AUTS2: variants seen among roughly 807,000 people sequenced by gnomAD.
The protein encoded by AUTS2 is activator of transcription and developmental regulator AUTS2.
AUTS2 carries 17 observed loss-of-function variants against 112.4 expected under a neutral mutation model. The observed-to-expected ratio is 0.15, with a 90% CI of 0.10 to 0.23. The LOEUF (loss-of-function observed/expected upper bound fraction) is 0.23. AUTS2 is among the 10% of genes least tolerant of loss of function. AUTS2 has a pLI of 1.00. For missense variants in AUTS2, 1,510 were observed against 1,701.6 expected, an observed-to-expected ratio of 0.89 and a Z score of 1.98; for synonymous variants, 751 against 702.7, an observed-to-expected ratio of 1.07 and a Z score of -1.09.
intron 3 of AUTS2, among the ~76,000 whole-genome samples, chr7:70,126,657 T>G (rs1805985843): frequency 6.6e-6 from 1 of 152,196 alleles, no homozygotes; most frequent in African/African-American, 2.4e-5. Context: ...ATTTTGTAAC[T>G]GAGGAAATTT....
intron 1 of AUTS2, among the ~76,000 whole-genome samples, chr7:69,808,208 G>A (rs755636639): frequency 6.6e-6 from 1 of 152,158 alleles, no homozygotes; most frequent in Non-Finnish European, 1.5e-5. Context: ...TTACAGGTGT[G>A]AGCCACCGCA....
At chr7:70,577,644 T>C (rs924762785) in intron 5 of AUTS2, among the ~76,000 whole-genome samples, 6 of 152,214 alleles carry the variant, frequency 3.9e-5, no homozygotes, top group African/African-American at 1.4e-4. Context: ...GCAGTTGATG[T>C]ATAGCCACAG....
intron 6 of AUTS2, among the ~76,000 whole-genome samples, chr7:70,760,068 T>C (rs1348606197): frequency 8.6e-5 from 13 of 151,736 alleles, no homozygotes; most frequent in Non-Finnish European, 1.0e-4. Flanking sequence ...TGCAGTGGTG[T>C]GATCTCAGCT....
At chr7:70,139,097 T>C (rs929453001) in intron 4 of AUTS2, among the ~76,000 whole-genome samples, 10 of 152,094 alleles carry the variant, frequency 6.6e-5, no homozygotes, top group Non-Finnish European at 2.9e-5. Context: ...CTTCCCAGTA[T>C]CTGGGAGTAA....
intron 4 of AUTS2, among the ~76,000 whole-genome samples, chr7:70,150,900 A>C (rs1339544657): frequency 6.6e-6 from 1 of 152,236 alleles, no homozygotes; most frequent in Non-Finnish European, 1.5e-5. Context: ...AACCAAAACA[A>C]AAGATAAAAT....
At chr7:70,226,447 C>T (rs755643288) in intron 4 of AUTS2, among the ~76,000 whole-genome samples, 6 of 151,418 alleles carry the variant, frequency 4.0e-5, no homozygotes, top group Admixed American at 6.6e-5. Flanking sequence ...CCTTGTGATC[C>T]GCCCTCCTTG....
chr7:70,064,982 G>A (rs532229569), intron 2 of AUTS2, among the ~76,000 whole-genome samples: 4 of 152,098 alleles, frequency 2.6e-5, no homozygotes, highest in Non-Finnish European at 1.5e-5. Context: ...AATAGTAGGC[G>A]CTCATCAATT....
At chr7:69,897,672 G>A (rs1417150040) in intron 1 of AUTS2, among the ~76,000 whole-genome samples, 3 of 152,070 alleles carry the variant, frequency 2.0e-5, no homozygotes, top group East Asian at 3.9e-4. Context: ...GCAGGGAATC[G>A]CTTGAACTGG....
At chr7:70,746,811 G>T (rs1305123342) in intron 6 of AUTS2, among the ~76,000 whole-genome samples, 8 of 152,314 alleles carry the variant, frequency 5.3e-5, no homozygotes, top group South Asian at 2.1e-4. Flanking sequence ...TGAACACGGG[G>T]AGTAGCAGTG....
At chr7:70,527,929 T>C (rs1157865391) in intron 5 of AUTS2, among the ~76,000 whole-genome samples, 1 of 152,102 alleles carries the variant, frequency 6.6e-6, no homozygotes, top group African/African-American at 2.4e-5. Context: ...TGGAGTTTAG[T>C]TTCCAGGATG....
chr7:70,056,679 CATGAAGA>C lies in AUTS2; in HGVS notation c.523-61449_523-61443del, dbSNP rs1354114381. On this transcript the variant is annotated intron_variant, in intron 2 of 18. Transcript: ENST00000342771. Reference sequence around the variant, plus strand: ...CTACAACCTGCATTGAGGCCCTGAGCATGAAGAATGGAGTGTTAAAATGAGCCTTTCA... The same window carrying C: ...CTACAACCTGCATTGAGGCCCTGAGCATGGAGTGTTAAAATGAGCCTTTCA... Among the ~76,000 whole-genome samples, 9 of 152,218 alleles carry C rather than the reference CATGAAGA, an allele frequency of 5.9e-5. No homozygotes were observed. In the South Asian group the frequency reaches 1.7e-3, roughly 28 times the overall value.
rs114738441 is a variant in AUTS2 at position 69,874,797 on chromosome 7, C to T, written c.310-24489C>T. Among the ~76,000 whole-genome samples the T allele has an allele frequency of 2.9e-3, 447 of 152,124 alleles. 5 individuals carry two copies. The highest frequency in any genetic ancestry group is 0.01 in the African/African-American group (432 of 41,522). On this transcript the variant is annotated intron_variant, in intron 1 of 18. Coordinates refer to ENST00000342771, the MANE Select transcript of AUTS2 (RefSeq NM_015570.4). Reference sequence around the variant, plus strand: ...CCTCAGCCTCCCAAGTACCTGGGATCATAGGCATGCACCACCATGCCCAGC... The same window carrying T: ...CCTCAGCCTCCCAAGTACCTGGGATTATAGGCATGCACCACCATGCCCAGC...
intron 5 of AUTS2, among the ~76,000 whole-genome samples, chr7:70,612,628 T>G (rs1804153659): frequency 6.6e-6 from 1 of 152,112 alleles, no homozygotes; most frequent in African/African-American, 2.4e-5. Context: ...CTCATTGTTC[T>G]TGTCATACAG....
chr7:69,833,107 T>C (rs976455696), intron 1 of AUTS2, among the ~76,000 whole-genome samples: 1 of 152,188 alleles, frequency 6.6e-6, no homozygotes, highest in African/African-American at 2.4e-5. Context: ...AGGGCTTTGT[T>C]ACAATACAGA....
At chr7:69,640,808 G>A (rs754303366) in intron 1 of AUTS2, among the ~76,000 whole-genome samples, 1 of 152,158 alleles carries the variant, frequency 6.6e-6, no homozygotes, top group Non-Finnish European at 1.5e-5. Flanking sequence ...GTAATAATAT[G>A]GAATAAATAG....
intron 2 of AUTS2, among the ~76,000 whole-genome samples, chr7:70,056,921 A>G (rs1347929353): frequency 6.6e-6 from 1 of 152,198 alleles, no homozygotes; most frequent in Non-Finnish European, 1.5e-5. Context: ...TTCTGTTCCT[A>G]CATTCTAGGT....
chr7:70,471,666 C>G (rs1437466302), intron 5 of AUTS2, among the ~76,000 whole-genome samples: 4 of 151,934 alleles, frequency 2.6e-5, no homozygotes, highest in Non-Finnish European at 5.9e-5. Context: ...AGTATGTAGA[C>G]TAATTGGTGT....
At chr7:70,537,984 C>T (rs887112716) in intron 5 of AUTS2, among the ~76,000 whole-genome samples, 2 of 152,284 alleles carry the variant, frequency 1.3e-5, no homozygotes, top group South Asian at 4.1e-4. Context: ...CATGGTGGCT[C>T]ACACCTGTCA....
chr7:70,397,575 A>C (rs1794142747), intron 4 of AUTS2, among the ~76,000 whole-genome samples: 1 of 151,976 alleles, frequency 6.6e-6, no homozygotes, highest in Admixed American at 6.6e-5. Flanking sequence ...ATATGAAAAA[A>C]TATTGTTTAA....
Sources: gnomAD v4.1 joint callset for allele counts (sites outside exome capture counted in the v4.1 genomes callset) on GRCh38, gnomAD v4.1.1 for gene constraint, MANE v1.5 for transcripts, NCBI Gene and HGNC (gene_info 2026-07-23, HGNC 2026-07-21) for gene names.